Variants in MMP24 observed in about 807,000 individuals in gnomAD.
MMP24 encodes matrix metallopeptidase 24.
Under a neutral mutation model 62.8 loss-of-function variants are expected in MMP24, and 25 were observed. The ratio of observed to expected loss-of-function variants is 0.40; its 90% confidence interval spans 0.29 to 0.56. The LOEUF is 0.56. MMP24 is among the 20% of genes least tolerant of loss of function. The probability of loss-of-function intolerance (pLI) is 0.50; values close to 1 mark genes in which losing one functional copy is unlikely to be tolerated. For missense variants in MMP24, 634 were observed against 853.6 expected, an observed-to-expected ratio of 0.74 and a Z score of 3.21; for synonymous variants, 319 against 350.5, an observed-to-expected ratio of 0.91 and a Z score of 1.00.
At position 35,267,340 on chromosome 20, in the gene MMP24, C is replaced by T; in HGVS notation, c.1115C>T (p.Thr372Ile). 2 of 1,584,986 alleles carry T rather than the reference C, an allele frequency of 1.3e-6. No homozygotes were observed. Among genetic ancestry groups the T allele is most frequent in the Non-Finnish European group, 1.7e-6 (2 of 1,166,322 alleles). The change falls in exon 6 of 9, where the codon ACA becomes ATA. Residue 372 changes from threonine to isoleucine, a missense_variant. Physicochemically the swap from Thr to Ile is moderately conservative, Grantham distance 89 (BLOSUM62 -1). Transcript: ENST00000246186. The stretch of plus-strand genomic sequence containing the variant: ...CCGCCCCTCGGGGACCGGCCATCCA[C>T]ACCAGGCACCAAACCCAACATCTGT... ...PRPPLGDRPSTPGTKPNICDG... is the reference protein window; with the variant it reads ...PRPPLGDRPSIPGTKPNICDG...
intron 4 of MMP24, 99 bp from the exon 5 acceptor site, chr20:35,263,692 C>A: frequency 9.4e-7 from 1 of 1,067,898 alleles, no homozygotes; most frequent in Non-Finnish European, 1.3e-6. Context: ...CGGGGCCTGG[C>A]ACAGGGCCCG....
At chr20:35,265,630 G>C (rs6142342) in intron 5 of MMP24, among the ~76,000 whole-genome samples, 1 of 151,768 alleles carries the variant, frequency 6.6e-6, no homozygotes, top group Non-Finnish European at 1.5e-5. Context: ...TGTAATCCTA[G>C]CGCTTTGGGA....
intron 5 of MMP24, chr20:35,264,191 G>T: frequency 2.9e-6 from 1 of 350,596 alleles, no homozygotes; most frequent in Non-Finnish European, 5.2e-6. Flanking sequence ...GGACAAAAGT[G>T]AGGTGAGGGC....
intron 1 of MMP24, among the ~76,000 whole-genome samples, chr20:35,234,242 A>G (rs61115374): frequency 6.6e-6 from 1 of 152,026 alleles, no homozygotes; most frequent in South Asian, 2.1e-4. Context: ...CTGAGATGTC[A>G]TGTACTCAGG....
intron 7 of MMP24, among the ~76,000 whole-genome samples, chr20:35,270,647 G>A (rs1429056927): frequency 6.6e-6 from 1 of 152,228 alleles, no homozygotes; most frequent in Non-Finnish European, 1.5e-5. Context: ...TTTCTGAGGT[G>A]GTTCTGGAGC....
intron 3 of MMP24, among the ~76,000 whole-genome samples, chr20:35,253,273 T>TTTTTTTTTTTG: frequency 1.0e-5 from 1 of 97,264 alleles, no homozygotes; most frequent in Non-Finnish European, 2.2e-5. Context: ...AACGGGACTT[T>TTTTTTTTTTTG]TTTTTTTTTT....
intron 6 of MMP24, among the ~76,000 whole-genome samples, chr20:35,268,857 C>T (rs1426494871): frequency 6.6e-6 from 1 of 152,016 alleles, no homozygotes; most frequent in Non-Finnish European, 1.5e-5. Flanking sequence ...GAAACCCCAT[C>T]TCTACTAAAA....
At chr20:35,254,894 T>C in intron 4 of MMP24, 140 bp downstream of exon 4, 1 of 972,608 alleles carries the variant, frequency 1.0e-6, no homozygotes, top group South Asian at 1.7e-5. Context: ...GGAACTGTGA[T>C]TTCTGATAAT....
At chr20:35,246,056 T>C (rs969224691) in intron 1 of MMP24, among the ~76,000 whole-genome samples, 3 of 152,126 alleles carry the variant, frequency 2.0e-5, no homozygotes, top group Admixed American at 6.5e-5. Flanking sequence ...TATAATCTCC[T>C]GCCAATAAAT....
intron 8 of MMP24, among the ~76,000 whole-genome samples, chr20:35,273,149 T>C (rs2060681767): frequency 6.6e-6 from 1 of 151,918 alleles, no homozygotes; most frequent in South Asian, 2.1e-4. Flanking sequence ...TCCCAGCACT[T>C]TGGGAGGCTG....
chr20:35,264,601 G>A (rs773708307), intron 5 of MMP24, among the ~76,000 whole-genome samples: 2 of 150,384 alleles, frequency 1.3e-5, no homozygotes, highest in Non-Finnish European at 3.0e-5. Flanking sequence ...TCAGCTACTT[G>A]GGAGGCTGAG....
chr20:35,226,826 C>A lies in MMP24; in HGVS notation c.88C>A (p.Arg30=). 1.1e-6 allele frequency: 1 copy of A among 894,900 alleles called. No homozygotes were observed. The highest frequency in any genetic ancestry group is 1.3e-6 in the Non-Finnish European group (1 of 789,418). The allele number at this position is 894,900 out of a possible 1,614,324, so 55.4% of individuals were successfully genotyped here. A position where few individuals can be genotyped will look rare whatever the true frequency, so the allele number is the denominator to read the frequency against. Residue 30 remains arginine, a synonymous_variant, in exon 1 of 9, where the codon CGG becomes AGG. Transcript: ENST00000246186. ...CCAGGCCCCGCGCTGGAGCCGCTGG[C>A]GGGTCCCTGGGCGGCTGCTGCTGCT... is the stretch of plus-strand genomic sequence containing the variant. ...PGQAPRWSRW[R]VPGRLLLLLL... is the part of the protein sequence containing the mutation.
intron 4 of MMP24, 80 bp downstream of exon 4, chr20:35,254,834 T>G: frequency 6.9e-7 from 1 of 1,449,582 alleles, no homozygotes; most frequent in Non-Finnish European, 9.3e-7. Context: ...CTAGATGAGT[T>G]TCCTGCTTTC....
At position 35,274,477 on chromosome 20, in the gene MMP24, C is replaced by T. The variant is rs747694571; in HGVS notation, c.1806C>T (p.Ala602=). Residue 602 remains alanine (A), a synonymous_variant, in exon 9 of 9, where the codon GCC becomes GCT. Transcript: ENST00000246186. The surrounding 1 kb of genome is among the most constrained non-coding windows in gnomAD (Gnocchi z 5.1). ...TINDVPGSVN[A]VAVVIPCILS... Reference sequence around the variant, plus strand: ...ACGATGTGCCGGGCTCCGTGAACGCCGTGGCCGTGGTCATCCCCTGCATCC... The same window carrying T: ...ACGATGTGCCGGGCTCCGTGAACGCTGTGGCCGTGGTCATCCCCTGCATCC... 1.3e-5 allele frequency: 21 copies of T among 1,614,018 alleles called. No individual in the cohort carries two copies. Among genetic ancestry groups the T allele is most frequent in the South Asian group, 2.2e-5 (2 of 91,082 alleles).
chr20:35,234,238 T>A (rs937260355), intron 1 of MMP24, among the ~76,000 whole-genome samples: 11 of 152,188 alleles, frequency 7.2e-5, no homozygotes, highest in Admixed American at 3.3e-4. Context: ...TCAGCTGAGA[T>A]GTCATGTACT....
chr20:35,275,273 G>C lies in MMP24; in HGVS notation c.*664G>C, dbSNP rs1247231363. The C allele has an allele frequency of 6.5e-6, 1 of 152,876 alleles. No individual in the cohort carries two copies. Among genetic ancestry groups the C allele is most frequent in the Non-Finnish European group, 1.5e-5 (1 of 68,614 alleles). The allele number at this position is 152,876 out of a possible 1,614,324, so 9.5% of individuals were successfully genotyped here. ...CCCAGCTGGGTCTGACAAGGACCCA[G>C]CTGTCACATCGTGAATATTTAAATG... On this transcript the variant is annotated 3_prime_UTR_variant, in exon 9 of 9. Transcript: ENST00000246186.
intron 4 of MMP24, among the ~76,000 whole-genome samples, chr20:35,255,427 T>C (rs2146220975): frequency 6.6e-6 from 1 of 152,238 alleles, no homozygotes. Context: ...AGCCATCTTA[T>C]GAATGACACG....
rs762256494 is a variant in MMP24 at position 35,246,914 on chromosome 20, G to A, written c.321G>A (p.Leu107=). ...RASALHSAKA[L]QSAVSTMQQF... is the part of the protein sequence containing the mutation. Reference sequence around the variant, plus strand: ...CTGCGCTGCACTCAGCGAAGGCCTTGCAGTCGGCAGTCTCCACTATGCAGC... The same window carrying A: ...CTGCGCTGCACTCAGCGAAGGCCTTACAGTCGGCAGTCTCCACTATGCAGC... Residue 107 remains leucine, a synonymous_variant, in exon 2 of 9, where the codon TTG becomes TTA. Transcript: ENST00000246186. 6.2e-7 allele frequency: 1 copy of A among 1,614,070 alleles called. No homozygotes were observed. The highest frequency in any genetic ancestry group is 1.7e-5 in the Admixed American group (1 of 60,038).
chr20:35,254,874 TA>T (rs1298203775), intron 4 of MMP24, 120 bp downstream of exon 4: 1 of 1,147,368 alleles, frequency 8.7e-7, no homozygotes, highest in Non-Finnish European at 1.2e-6. Flanking sequence ...ACTAAGACCG[TA>T]AGAGGGTGGG....
Sources: allele counts gnomAD v4.1 joint callset (sites outside exome capture counted in the v4.1 genomes callset), GRCh38; gene constraint gnomAD v4.1.1; non-coding constraint Gnocchi (gnomAD v3.1); transcripts MANE v1.5; gene names NCBI Gene and HGNC (gene_info 2026-07-23, HGNC 2026-07-21).